The following CASP4 variants were observed in gnomAD, a reference collection of about 807,000 sequenced individuals.
CASP4 encodes the protein caspase 4.
CASP4 carries 29 observed loss-of-function variants against 41.3 expected under a neutral mutation model. The observed-to-expected ratio is 0.70, with a 90% CI of 0.52 to 0.96. The LOEUF is 0.96. CASP4 is among the 40% of genes least tolerant of loss of function. The probability of loss-of-function intolerance (pLI) is 0.00; values close to 1 mark genes in which losing one functional copy is unlikely to be tolerated. For synonymous variants in CASP4, 185 were observed against 158.4 expected (o/e 1.17, Z -1.26); for missense variants, 447 against 460.6 (o/e 0.97, Z 0.27).
intron 1 of CASP4, among the ~76,000 whole-genome samples, chr11:104,964,141 G>T (rs1933606825): frequency 6.6e-6 from 1 of 152,124 alleles, no homozygotes; most frequent in South Asian, 2.1e-4. Context: ...AGCTTTAATA[G>T]TGTCTATAGA....
chr11:104,966,268 T>G (rs1395751537), intron 1 of CASP4, among the ~76,000 whole-genome samples: 1 of 152,120 alleles, frequency 6.6e-6, no homozygotes, highest in Non-Finnish European at 1.5e-5. Flanking sequence ...AGATGATAGT[T>G]GCATGTTGGA....
In CASP4 at chr11:104,949,878, G is replaced by A. The variant is rs1860565565; in HGVS notation, c.547-101C>T. On this transcript the variant is annotated intron_variant, in intron 4 of 8. Transcript: ENST00000444739. ...AAACAAGAAACATATGTAACATCCA[G>A]GTCGTGGTGCTTCACTTAGTGCTTA... 7 of 1,101,850 alleles carry A rather than the reference G, an allele frequency of 6.4e-6. 1 individual carries two copies. In the East Asian group the frequency reaches 1.7e-4, roughly 27 times the overall value. The allele number at this position is 1,101,850 out of a possible 1,614,324, so 68.3% of individuals were successfully genotyped here. A position where few individuals can be genotyped will look rare whatever the true frequency, so the allele number is the denominator to read the frequency against.
chr11:104,947,007 C>A, intron 7 of CASP4, 76 bp downstream of exon 7: 1 of 1,025,072 alleles, frequency 9.8e-7, no homozygotes, highest in Non-Finnish European at 1.5e-6. Context: ...CAAAAATTGT[C>A]ATTGTGAAGT....
intron 2 of CASP4, among the ~76,000 whole-genome samples, chr11:104,954,008 T>A (rs972073224): frequency 6.6e-6 from 1 of 152,178 alleles, no homozygotes; most frequent in Admixed American, 6.6e-5. Flanking sequence ...TATTTACTCA[T>A]CCTACATTAT....
Position 104,954,963 on chromosome 11 carries a change from A to G in CASP4, c.46T>C (p.Ser16Pro), listed in dbSNP as rs1225986754. Residue 16 changes from serine to proline, a missense_variant, in exon 2 of 9, where the codon TCC (serine) becomes CCC (proline). Coordinates refer to ENST00000444739, the MANE Select transcript of CASP4 (RefSeq NM_001225.4). ...HRKKPLKVLE[S>P]LGKDFLTGVL... Reference sequence around the variant, plus strand: ...CCAGTGAGGAAATCTTTGCCCAGGGATTCCAACACCTTAAGTGGCTTTTTT... The same window carrying G: ...CCAGTGAGGAAATCTTTGCCCAGGGGTTCCAACACCTTAAGTGGCTTTTTT... The G allele has an allele frequency of 8.7e-6, 14 of 1,613,512 alleles. No homozygotes were observed. Among genetic ancestry groups the G allele is most frequent in the African/African-American group, 1.3e-5 (1 of 74,874 alleles).
At chr11:104,947,975 T>C (rs751865810) in intron 6 of CASP4, 1 of 152,184 alleles carries the variant, frequency 6.6e-6, no homozygotes, top group Non-Finnish European at 1.5e-5. Context: ...ACATTATGTA[T>C]GTCAATCATA....
At chr11:104,963,568 T>C (rs1443632930) in intron 1 of CASP4, among the ~76,000 whole-genome samples, 1 of 152,200 alleles carries the variant, frequency 6.6e-6, no homozygotes, top group Admixed American at 6.5e-5. Context: ...GTAGGAAATA[T>C]ACTTTAAGGG....
intron 3 of CASP4, chr11:104,951,659 C>A: frequency 1.8e-6 from 1 of 543,872 alleles, no homozygotes. Context: ...AGAATAAATA[C>A]AGGAGCAATA....
At chr11:104,949,849 A>C (rs1860564519) in intron 4 of CASP4, 72 bp from the exon 5 acceptor site, 9 of 1,421,294 alleles carry the variant, frequency 6.3e-6, no homozygotes, top group Non-Finnish European at 8.9e-6. Flanking sequence ...ATTTACCATG[A>C]GCGAAACAAG....
chr11:104,951,905 T>C lies in CASP4; in HGVS notation c.363A>G (p.Arg121=). The C allele has an allele frequency of 6.2e-7, 1 of 1,604,716 alleles. No individual in the cohort carries two copies. ...HEEFLRLCKE[R]AEEIYPIKER... is the part of the protein sequence containing the mutation. ...ATAGATAGCATAGCACCTCTTCAGC[T>C]CTTTCTTTACATAGTCTCAGGAATT... Residue 121 remains arginine (R), a synonymous_variant, in exon 3 of 9, where the codon AGA becomes AGG. Coordinates refer to ENST00000444739, the MANE Select transcript of CASP4 (RefSeq NM_001225.4).
Position 104,951,049 on chromosome 11 carries a change from A to G in CASP4, c.422T>C (p.Ile141Thr), listed in dbSNP as rs748039743. The G allele has an allele frequency of 8.1e-6, 13 of 1,613,324 alleles. No homozygotes were observed. Among genetic ancestry groups the G allele is most frequent in the Non-Finnish European group, 1.0e-5 (12 of 1,179,546 alleles). Reference sequence around the variant, plus strand: ...CAGATGGTCAAACTCTGTATTGCATATGATGAGAGCCAGGCGTGTGCGGTT... The same window carrying G: ...CAGATGGTCAAACTCTGTATTGCATGTGATGAGAGCCAGGCGTGTGCGGTT... ...RNNRTRLALI[I>T]CNTEFDHLPP... The change falls in exon 4 of 9, where the codon ATA (isoleucine) becomes ACA (threonine). Residue 141 changes from isoleucine to threonine, a missense_variant. By Grantham distance (89) the Ile-to-Thr change is moderately conservative. Coordinates refer to ENST00000444739, the MANE Select transcript of CASP4 (RefSeq NM_001225.4).
intron 1 of CASP4, among the ~76,000 whole-genome samples, chr11:104,963,918 G>A (rs1176794143): frequency 1.3e-5 from 2 of 151,968 alleles, no homozygotes; most frequent in East Asian, 3.9e-4. Context: ...TGCTTTCCTG[G>A]CCCTGTTCCT....
At chr11:104,966,903 T>G (rs1860987338) in intron 1 of CASP4, among the ~76,000 whole-genome samples, 1 of 152,188 alleles carries the variant, frequency 6.6e-6, no homozygotes, top group East Asian at 1.9e-4. Flanking sequence ...AGCACAACTG[T>G]ATTGATTGAT....
intron 1 of CASP4, among the ~76,000 whole-genome samples, chr11:104,961,478 C>T (rs1350946527): frequency 6.6e-6 from 1 of 151,814 alleles, no homozygotes; most frequent in East Asian, 1.9e-4. Context: ...GTCTGTAGCT[C>T]TATGATGGGG....
At chr11:104,946,874 G>T in intron 7 of CASP4, 1 of 430,978 alleles carries the variant, frequency 2.3e-6, no homozygotes, top group Admixed American at 3.7e-5. Flanking sequence ...AAAGCTTATG[G>T]TTGATATTAT....
At chr11:104,955,146 C>T in intron 1 of CASP4, 145 bp from the exon 2 acceptor site, 1 of 744,192 alleles carries the variant, frequency 1.3e-6, no homozygotes. Flanking sequence ...AGAGTTCTGT[C>T]ATTCATCATA....
At chr11:104,948,210 T>A in intron 6 of CASP4, 1 of 172,636 alleles carries the variant, frequency 5.8e-6, no homozygotes, top group Non-Finnish European at 1.2e-5. Flanking sequence ...AGATGTGAAA[T>A]ATGGAAAGAA....
chr11:104,964,626 C>T (rs1240216756), intron 1 of CASP4, among the ~76,000 whole-genome samples: 1 of 152,200 alleles, frequency 6.6e-6, no homozygotes, highest in East Asian at 1.9e-4. Context: ...TCGAAGTTGA[C>T]TTACAGAGCC....
chr11:104,942,917 T>A lies in CASP4; in HGVS notation c.*62A>T. The A allele has an allele frequency of 8.8e-6, 4 of 456,156 alleles. No homozygotes were observed. Among genetic ancestry groups the A allele is most frequent in the South Asian group, 6.2e-5 (4 of 64,564 alleles). 28.3% of individuals were successfully genotyped at this position (456,156 alleles called of 1,614,324 possible). On this transcript the variant is annotated 3_prime_UTR_variant, in exon 9 of 9. Transcript: ENST00000444739. ...TACAAAATGTTAAATATGCAAGCTG[T>A]ACTAATGAAGGTGCTCCTTGAAGTT...
Sources: allele counts gnomAD v4.1 joint callset (sites outside exome capture counted in the v4.1 genomes callset), GRCh38; gene constraint gnomAD v4.1.1; transcripts MANE v1.5; gene names NCBI Gene and HGNC (gene_info 2026-07-23, HGNC 2026-07-21).